Variants in CADPS2 observed in about 807,000 individuals in gnomAD.
CADPS2 encodes calcium dependent secretion activator 2, also known as calcium-dependent secretion activator 2.
CADPS2 carries 93 observed loss-of-function variants against 172.5 expected under a neutral mutation model. That is an observed-to-expected ratio of 0.54 (90% CI 0.46 to 0.64). CADPS2 has a LOEUF of 0.64. CADPS2 is among the 30% of genes least tolerant of loss of function. The pLI, the probability that CADPS2 is intolerant of heterozygous loss-of-function variation, is 0.00. For synonymous variants in CADPS2, 546 were observed against 555.2 expected (o/e 0.98, Z 0.23); for missense variants, 1,420 against 1,565.9 (o/e 0.91, Z 1.57).
At position 122,327,951 on chromosome 7, in the gene CADPS2, T is replaced by C. The variant is rs111944740; in HGVS notation, c.3613-2370A>G. On this transcript the variant is annotated intron_variant, in intron 28 of 29. Transcript: ENST00000449022. The stretch of plus-strand genomic sequence containing the variant: ...ATTCTATCAAATAAGAAAAAATTAT[T>C]CTATCAAATAAGAACGTATATTTTG... Among the ~76,000 whole-genome samples, 990 of 152,200 alleles carry C rather than the reference T, an allele frequency of 6.5e-3. 11 individuals are homozygous for C. The highest frequency in any genetic ancestry group is 0.023 in the African/African-American group (957 of 41,538).
intron 15 of CADPS2, among the ~76,000 whole-genome samples, chr7:122,442,324 C>T (rs904830623): frequency 6.6e-6 from 1 of 152,102 alleles, no homozygotes; most frequent in Non-Finnish European, 1.5e-5. Context: ...AACATCAGGG[C>T]CATTTCATCT....
intron 1 of CADPS2, among the ~76,000 whole-genome samples, chr7:122,811,971 C>T (rs1390000254): frequency 6.6e-6 from 1 of 151,982 alleles, no homozygotes; most frequent in Non-Finnish European, 1.5e-5. Flanking sequence ...TGTTCTCTTC[C>T]TCCTTTAGAA....
chr7:122,684,350 T>C (rs546164414), intron 2 of CADPS2, among the ~76,000 whole-genome samples: 29 of 152,252 alleles, frequency 1.9e-4, no homozygotes, highest in Non-Finnish European at 3.2e-4. Flanking sequence ...TACATTGCCA[T>C]AGCATCCAAA....
At chr7:122,716,549 G>C (rs1452677542) in intron 2 of CADPS2, among the ~76,000 whole-genome samples, 1 of 152,072 alleles carries the variant, frequency 6.6e-6, no homozygotes, top group Non-Finnish European at 1.5e-5. Context: ...GGAGCGGGGA[G>C]GGATAGCATT....
intron 1 of CADPS2, among the ~76,000 whole-genome samples, chr7:122,874,604 A>G (rs1414828412): frequency 3.9e-5 from 6 of 152,222 alleles, no homozygotes; most frequent in Admixed American, 1.3e-4. Context: ...ACAAAGTTGG[A>G]GCCATCATGC....
At chr7:122,658,569 G>A (rs2080110002) in intron 3 of CADPS2, among the ~76,000 whole-genome samples, 2 of 152,206 alleles carry the variant, frequency 1.3e-5, no homozygotes, top group Non-Finnish European at 2.9e-5. Context: ...AAAAGGATGA[G>A]TTAATGTCCT....
At chr7:122,694,602 T>C (rs943603236) in intron 2 of CADPS2, among the ~76,000 whole-genome samples, 1 of 152,152 alleles carries the variant, frequency 6.6e-6, no homozygotes, top group Admixed American at 6.5e-5. Context: ...CAAATTGTGG[T>C]AGAATAACAC....
intron 1 of CADPS2, among the ~76,000 whole-genome samples, chr7:122,779,287 A>G (rs1038569152): frequency 1.3e-5 from 2 of 152,156 alleles, no homozygotes; most frequent in Admixed American, 6.5e-5. Context: ...TTTAGGTGGG[A>G]CAGCTCTACT....
chr7:122,673,929 G>A (rs1296445425), intron 2 of CADPS2, among the ~76,000 whole-genome samples: 1 of 147,602 alleles, frequency 6.8e-6, no homozygotes, highest in Non-Finnish European at 1.5e-5. Context: ...GTGGGGGTTG[G>A]TTGGGGAGCT....
At position 122,858,764 on chromosome 7, in the gene CADPS2, T is replaced by G. The variant is rs530621805; in HGVS notation, c.339+27235A>C. On this transcript the variant is annotated intron_variant, in intron 1 of 29. Coordinates refer to ENST00000449022, the MANE Select transcript of CADPS2 (RefSeq NM_017954.11). The stretch of plus-strand genomic sequence containing the variant: ...TGTTCTGCTGTGTGGCCACTGGACA[T>G]CAATATGTAACTCTAAAATAAATGA... 5.3e-4 allele frequency among the ~76,000 whole-genome samples: 80 copies of G among 152,328 alleles called. 1 individual carries two copies. The highest frequency in any genetic ancestry group is 1.9e-3 in the African/African-American group (79 of 41,574).
intron 28 of CADPS2, among the ~76,000 whole-genome samples, chr7:122,337,765 A>AAC (rs1447394695): frequency 6.6e-6 from 1 of 151,872 alleles, no homozygotes; most frequent in Non-Finnish European, 1.5e-5. Context: ...AAGGAAAAAA[A>AAC]AAAAAAAAAG....
intron 2 of CADPS2, among the ~76,000 whole-genome samples, chr7:122,736,717 T>C (rs969224275): frequency 1.3e-5 from 2 of 152,180 alleles, no homozygotes; most frequent in African/African-American, 4.8e-5. Flanking sequence ...TTTTTCTAAA[T>C]AGTTTACTTC....
intron 20 of CADPS2, among the ~76,000 whole-genome samples, chr7:122,405,131 CA>C (rs1374459294): frequency 1.3e-5 from 2 of 150,848 alleles, no homozygotes; most frequent in African/African-American, 5.0e-5. Flanking sequence ...AAACAAAAAA[CA>C]AAAAAACAAA....
chr7:122,731,768 A>G (rs1231210703), intron 2 of CADPS2, among the ~76,000 whole-genome samples: 1 of 151,712 alleles, frequency 6.6e-6, no homozygotes, highest in African/African-American at 2.4e-5. Flanking sequence ...ATAACTGCCA[A>G]CTTTTATTAA....
At chr7:122,586,584 A>G (rs548806839) in intron 6 of CADPS2, among the ~76,000 whole-genome samples, 137 of 152,076 alleles carry the variant, frequency 9.0e-4, no homozygotes, top group African/African-American at 3.2e-3. Flanking sequence ...TAATTATTGC[A>G]GCTTTGCAAG....
chr7:122,525,436 T>G (rs537173648), intron 8 of CADPS2, among the ~76,000 whole-genome samples: 2 of 152,286 alleles, frequency 1.3e-5, no homozygotes, highest in East Asian at 3.9e-4. Context: ...GAACTTCAAC[T>G]TTACACTTTG....
At chr7:122,423,567 T>C (rs534058003) in intron 17 of CADPS2, among the ~76,000 whole-genome samples, 1 of 152,186 alleles carries the variant, frequency 6.6e-6, no homozygotes, top group Non-Finnish European at 1.5e-5. Context: ...CACTGCCAAC[T>C]AATGAAAGAA....
chr7:122,853,896 C>T (rs888770677), intron 1 of CADPS2, among the ~76,000 whole-genome samples: 2 of 152,154 alleles, frequency 1.3e-5, no homozygotes, highest in African/African-American at 4.8e-5. Context: ...CAAGCATTCT[C>T]TTACTTGGCG....
At chr7:122,535,338 A>G (rs2062148381) in intron 8 of CADPS2, among the ~76,000 whole-genome samples, 1 of 152,034 alleles carries the variant, frequency 6.6e-6, no homozygotes, top group Non-Finnish European at 1.5e-5. Flanking sequence ...TGGTATCATC[A>G]TACCTATCAC....
Sources: allele counts gnomAD v4.1 joint callset (sites outside exome capture counted in the v4.1 genomes callset), GRCh38; gene constraint gnomAD v4.1.1; transcripts MANE v1.5; gene names NCBI Gene and HGNC (gene_info 2026-07-23, HGNC 2026-07-21).